LANCL2: variants seen among roughly 807,000 people sequenced by gnomAD.
LANCL2 encodes the protein LanC like glutathione S-transferase 2.
In LANCL2, 33 loss-of-function variants were observed where a neutral mutation model predicts 56.9. The ratio of observed to expected loss-of-function variants is 0.58; its 90% CI spans 0.44 to 0.78. LANCL2 has a LOEUF of 0.78. Ranked by LOEUF, LANCL2 falls within the 30% of genes least tolerant of loss-of-function variation. The pLI is 0.00. For synonymous variants in LANCL2, 233 were observed against 228.2 expected (o/e 1.02, Z -0.19); for missense variants, 562 against 580.2 (o/e 0.97, Z 0.32).
At chr7:55,367,210 A>G (rs1185865194) in intron 1 of LANCL2, among the ~76,000 whole-genome samples, 1 of 152,252 alleles carries the variant, frequency 6.6e-6, no homozygotes, top group Non-Finnish European at 1.5e-5. Flanking sequence ...AGAAGATTGA[A>G]TATCAGCACA....
chr7:55,384,898 T>C (rs1790107814), intron 1 of LANCL2, among the ~76,000 whole-genome samples: 1 of 152,136 alleles, frequency 6.6e-6, no homozygotes, highest in Non-Finnish European at 1.5e-5. Context: ...AATAATTTGT[T>C]ACAGCAGACT....
chr7:55,415,006 A>AT lies in LANCL2; in HGVS notation c.1008+2917_1008+2918insT, dbSNP rs1790511682. The stretch of plus-strand genomic sequence containing the variant: ...CTCAAAAAAAAAAAAAAAAAAGAAA[A>AT]GAAAAGAAAAAGGCAAGGTTTTAAC... On this transcript the variant is annotated intron_variant, in intron 6 of 8. Transcript: ENST00000254770. Among the ~76,000 whole-genome samples the AT allele has an allele frequency of 2.7e-5, 4 of 149,884 alleles. No homozygotes were observed. The East Asian group carries it at 7.8e-4, about 29-fold the overall frequency.
intron 1 of LANCL2, among the ~76,000 whole-genome samples, chr7:55,384,406 G>A (rs1790102310): frequency 6.6e-6 from 1 of 152,054 alleles, no homozygotes; most frequent in South Asian, 2.1e-4. Flanking sequence ...ACAAAAATTA[G>A]CCGGGTGTGG....
At chr7:55,386,511 G>T (rs1790127827) in intron 1 of LANCL2, among the ~76,000 whole-genome samples, 1 of 152,202 alleles carries the variant, frequency 6.6e-6, no homozygotes, top group African/African-American at 2.4e-5. Flanking sequence ...GTGCTGGAGA[G>T]CTTTGTGCAG....
At chr7:55,425,126 T>G (rs538733400) in intron 6 of LANCL2, 128 bp from the exon 7 acceptor site, 11 of 848,186 alleles carry the variant, frequency 1.3e-5, no homozygotes, top group African/African-American at 3.4e-5. Context: ...TGTTTGTCTG[T>G]TTTTCACCCC....
At chr7:55,429,196 ATCT>A (rs147857900) in intron 8 of LANCL2, among the ~76,000 whole-genome samples, 6,744 of 152,282 alleles carry the variant, frequency 0.044, 497 homozygotes, top group African/African-American at 0.15. Flanking sequence ...GTTGAGAAGT[ATCT>A]TCTTCTCTTC....
chr7:55,427,415 C>T (rs1790675721), intron 7 of LANCL2, among the ~76,000 whole-genome samples: 1 of 152,188 alleles, frequency 6.6e-6, no homozygotes, highest in African/African-American at 2.4e-5. Flanking sequence ...AAGAATGAGG[C>T]GGGCTTGGGT....
chr7:55,369,820 A>G (rs1789922997), intron 1 of LANCL2, among the ~76,000 whole-genome samples: 1 of 152,214 alleles, frequency 6.6e-6, no homozygotes, highest in Admixed American at 6.5e-5. Context: ...GTAACAAGAG[A>G]TTGTCTCATG....
At chr7:55,401,084 A>G in intron 4 of LANCL2, 90 bp from the exon 5 acceptor site, 5 of 1,023,964 alleles carry the variant, frequency 4.9e-6, no homozygotes, top group Non-Finnish European at 7.2e-6. Flanking sequence ...CTCTCTCTAT[A>G]TATGTCATAT....
At position 55,412,169 on chromosome 7, in the gene LANCL2, AG is replaced by A; in HGVS notation, c.1008+82del. The A allele has an allele frequency of 4.4e-6, 6 of 1,353,514 alleles. No individual in the cohort carries two copies. In the South Asian group the frequency reaches 8.1e-5, roughly 18 times the overall value. The allele number at this position is 1,353,514 out of a possible 1,614,324, so 83.8% of individuals were successfully genotyped here. A position where few individuals can be genotyped will look rare whatever the true frequency, so the allele number is the denominator to read the frequency against. On this transcript the variant is annotated intron_variant, in intron 6 of 8. Transcript: ENST00000254770. ...TCAGGTTTTGGGTCTTGCTTTGGTA[AG>A]GCCATTTGACTGTACACTAAAAACC...
At chr7:55,376,257 T>C (rs978364015) in intron 1 of LANCL2, among the ~76,000 whole-genome samples, 6 of 152,146 alleles carry the variant, frequency 3.9e-5, no homozygotes, top group African/African-American at 1.2e-4. Context: ...ATTTGTAAAA[T>C]GGGGGTAATA....
intron 8 of LANCL2, among the ~76,000 whole-genome samples, chr7:55,430,513 G>A (rs1337049184): frequency 3.3e-5 from 5 of 152,230 alleles, no homozygotes; most frequent in Admixed American, 6.5e-5. Context: ...ACTTCCTGGG[G>A]TGATGGAAAT....
At chr7:55,426,289 G>T (rs561133262) in intron 7 of LANCL2, among the ~76,000 whole-genome samples, 56 of 152,322 alleles carry the variant, frequency 3.7e-4, no homozygotes, top group African/African-American at 1.3e-3. Context: ...CAGTAAACAT[G>T]CACTGGACAT....
chr7:55,383,085 C>T (rs981299901), intron 1 of LANCL2, among the ~76,000 whole-genome samples: 1 of 152,138 alleles, frequency 6.6e-6, no homozygotes. Flanking sequence ...GGCAAAACCC[C>T]GTCTCTACTA....
intron 6 of LANCL2, among the ~76,000 whole-genome samples, chr7:55,418,745 C>T (rs1386098991): frequency 6.6e-6 from 1 of 152,150 alleles, no homozygotes; most frequent in Non-Finnish European, 1.5e-5. Flanking sequence ...AAATATTTCC[C>T]CATCAAATAT....
rs1441339763 is a variant in LANCL2 at position 55,388,519 on chromosome 7, C to T, written c.205-3274C>T. ...CAAGATGGTGCCACTGCATTCCAGC[C>T]TGGGCAACAGAGAGACTCTGTTAAA... On this transcript the variant is annotated intron_variant, in intron 1 of 8. Coordinates refer to ENST00000254770, the MANE Select transcript of LANCL2 (RefSeq NM_018697.4). Among the ~76,000 whole-genome samples, 4 of 152,288 alleles carry T rather than the reference C, an allele frequency of 2.6e-5. No individual in the cohort carries two copies. In the East Asian group the frequency reaches 7.7e-4, roughly 29 times the overall value.
intron 1 of LANCL2, among the ~76,000 whole-genome samples, chr7:55,390,851 G>A (rs144454621): frequency 2.3e-4 from 35 of 151,734 alleles, no homozygotes; most frequent in East Asian, 3.9e-4. Context: ...AGAATATTGC[G>A]TATTTCTCTT....
In LANCL2 at chr7:55,425,359, G is replaced by C; in HGVS notation, c.1114G>C (p.Gly372Arg). The change falls in exon 7 of 9, where the codon GGC (glycine) becomes CGC (arginine). Residue 372 changes from glycine (G) to arginine (R), a missense_variant. This residue lies in a region of LANCL2 where 378 missense variants were observed against 468.4 expected (regional missense o/e 0.81). Coordinates refer to ENST00000254770, the MANE Select transcript of LANCL2 (RefSeq NM_018697.4). ...KGYGICHGTA[G>R]NGYSFLSLYR... ...CTACGGGATATGCCATGGGACTGCT[G>C]GCAACGGCTATTCCTTCCTGTCCCT... 1 of 1,614,176 alleles carries C rather than the reference G, an allele frequency of 6.2e-7. No homozygotes were observed. Among genetic ancestry groups the C allele is most frequent in the Non-Finnish European group, 8.5e-7 (1 of 1,180,034 alleles).
intron 6 of LANCL2, among the ~76,000 whole-genome samples, chr7:55,418,236 C>T (rs1489856361): frequency 6.7e-6 from 1 of 150,250 alleles, no homozygotes. Flanking sequence ...GGCTGAAGTG[C>T]AGTGGTGTGA....
Sources: gnomAD v4.1 joint callset for allele counts (sites outside exome capture counted in the v4.1 genomes callset) on GRCh38, gnomAD v4.1.1 for gene constraint, gnomAD v4.1.1 regional missense constraint, MANE v1.5 for transcripts, NCBI Gene and HGNC (gene_info 2026-07-23, HGNC 2026-07-21) for gene names.